Variants in FARS2 observed in about 807,000 individuals in gnomAD.
The protein encoded by FARS2 is phenylalanyl-tRNA synthetase 2, mitochondrial, also known as phenylalanine--tRNA ligase, mitochondrial.
A neutral mutation model predicts 46.4 loss-of-function variants in FARS2; 40 were observed. The observed-to-expected ratio is 0.86, with a 90% confidence interval of 0.67 to 1.12. The LOEUF is 1.12. Among genes scored for constraint, FARS2 ranks in the 50% most tolerant of loss-of-function variants. The pLI, the probability that FARS2 is intolerant of heterozygous loss-of-function variation, is 0.00. For synonymous variants in FARS2, 234 were observed against 214.9 expected (o/e 1.09, Z -0.78); for missense variants, 513 against 567.9 (o/e 0.90, Z 0.98).
chr6:5,302,590 A>G (rs1173707956), intron 1 of FARS2, among the ~76,000 whole-genome samples: 1 of 152,218 alleles, frequency 6.6e-6, no homozygotes, highest in Non-Finnish European at 1.5e-5. Context: ...TATCTTTTAC[A>G]GATGGGGAGA....
At chr6:5,682,142 A>G (rs977097514) in intron 6 of FARS2, among the ~76,000 whole-genome samples, 2 of 152,236 alleles carry the variant, frequency 1.3e-5, no homozygotes. Flanking sequence ...ATTATAGTAC[A>G]TCACCTTGAT....
intron 5 of FARS2, 95 bp downstream of exon 5, chr6:5,545,435 A>AT: frequency 1.1e-6 from 1 of 906,754 alleles, no homozygotes; most frequent in Non-Finnish European, 1.6e-6. Context: ...ATTTTATTTT[A>AT]TTTATTTTAT....
intron 2 of FARS2, among the ~76,000 whole-genome samples, chr6:5,386,739 C>T (rs944832946): frequency 6.6e-6 from 1 of 152,246 alleles, no homozygotes; most frequent in East Asian, 1.9e-4. Context: ...TTAGGGGTCT[C>T]AGGAAGAGAA....
At chr6:5,371,173 G>A in intron 2 of FARS2, 1 of 984,784 alleles carries the variant, frequency 1.0e-6, no homozygotes. Flanking sequence ...TTCCAAGAAT[G>A]CTATGGAGAG....
At chr6:5,397,226 A>G (rs1760961120) in intron 2 of FARS2, among the ~76,000 whole-genome samples, 3 of 152,220 alleles carry the variant, frequency 2.0e-5, no homozygotes, top group Admixed American at 1.3e-4. Context: ...GTTTCCCTCT[A>G]TATGATATTC....
At chr6:5,261,129 C>G (rs1052173512), upstream of FARS2, 1 of 187,660 alleles carries the variant, frequency 5.3e-6, no homozygotes, top group Non-Finnish European at 1.0e-5. Flanking sequence ...GAGGCCCAGG[C>G]ATTCGAGGGA....
Position 5,420,057 on chromosome 6 carries a change from C to T in FARS2, c.773-10984C>T, listed in dbSNP as rs145487055. The stretch of plus-strand genomic sequence containing the variant: ...GAGGCCTTACAATCGTGGCAGAAGG[C>T]GAAAGACACGTCTCACAAGGCAGCA... On this transcript the variant is annotated intron_variant, in intron 3 of 6. Transcript: ENST00000274680. Among the ~76,000 whole-genome samples, 334 of 152,172 alleles carry T rather than the reference C, an allele frequency of 2.2e-3. 1 individual carries two copies. Among genetic ancestry groups the T allele is most frequent in the African/African-American group, 7.6e-3 (315 of 41,508 alleles).
chr6:5,268,827 A>G (rs62385048), intron 1 of FARS2, among the ~76,000 whole-genome samples: 4,791 of 152,170 alleles, frequency 0.031, 111 homozygotes, highest in Non-Finnish European at 0.046. Context: ...GATTCTTCCT[A>G]TCCATGAGCA....
At chr6:5,345,826 A>G (rs545311733) in intron 1 of FARS2, among the ~76,000 whole-genome samples, 74 of 152,372 alleles carry the variant, frequency 4.9e-4, no homozygotes, top group African/African-American at 1.7e-3. Flanking sequence ...ATAAATGTCA[A>G]AATCAGAAAA....
chr6:5,251,073 A>G, the FARS2 span, among the ~76,000 whole-genome samples: 4 of 152,156 alleles, frequency 2.6e-5, no homozygotes, highest in Non-Finnish European at 5.9e-5. Flanking sequence ...AGCCGTCCTT[A>G]TATGTACATT....
intron 6 of FARS2, among the ~76,000 whole-genome samples, chr6:5,707,649 C>A (rs1440841514): frequency 6.6e-6 from 1 of 152,232 alleles, no homozygotes; most frequent in Admixed American, 6.5e-5. Flanking sequence ...AATACCTTTT[C>A]TGCCTCCCCA....
intron 6 of FARS2, among the ~76,000 whole-genome samples, chr6:5,619,902 A>G (rs1418613400): frequency 6.6e-6 from 1 of 152,176 alleles, no homozygotes; most frequent in East Asian, 1.9e-4. Context: ...AAATTTGAAA[A>G]TAGAAAAGAT....
At chr6:5,552,180 TGTAGA>T (rs528301196) in intron 5 of FARS2, among the ~76,000 whole-genome samples, 37 of 152,324 alleles carry the variant, frequency 2.4e-4, no homozygotes, top group Admixed American at 2.1e-3. Context: ...TAACTATTTA[TGTAGA>T]GTAGTCATAT....
intron 2 of FARS2, among the ~76,000 whole-genome samples, chr6:5,373,690 T>C (rs769033467): frequency 2.0e-5 from 3 of 152,126 alleles, no homozygotes; most frequent in Non-Finnish European, 4.4e-5. Context: ...TCTTGGTGTG[T>C]TGAGTGTGCC....
intron 5 of FARS2, among the ~76,000 whole-genome samples, chr6:5,565,271 A>G (rs912720729): frequency 2.3e-4 from 35 of 152,248 alleles, no homozygotes; most frequent in African/African-American, 8.2e-4. Context: ...CAAAAGTTAA[A>G]AAGGTTACTT....
chr6:5,344,480 A>C (rs1470792406), intron 1 of FARS2, among the ~76,000 whole-genome samples: 1 of 152,108 alleles, frequency 6.6e-6, no homozygotes, highest in Non-Finnish European at 1.5e-5. Flanking sequence ...CTGAAAGGCC[A>C]AGTGCAGGCA....
intron 6 of FARS2, among the ~76,000 whole-genome samples, chr6:5,619,590 C>G (rs186871299): frequency 1.0e-3 from 155 of 152,276 alleles, no homozygotes; most frequent in Non-Finnish European, 4.0e-4. Context: ...GTTATATTCC[C>G]TTTTGTGATC....
chr6:5,294,775 G>A (rs1043730387), intron 1 of FARS2, among the ~76,000 whole-genome samples: 1 of 152,094 alleles, frequency 6.6e-6, no homozygotes, highest in Non-Finnish European at 1.5e-5. Context: ...GCCCTCCCTG[G>A]GTGTTCCACC....
chr6:5,576,081 G>A (rs4960105), intron 5 of FARS2, among the ~76,000 whole-genome samples: 86,085 of 151,956 alleles, frequency 0.57, 24,448 homozygotes, highest in Non-Finnish European at 0.6. Context: ...ACTTTAAAAC[G>A]ATTGAGTCTC....
Sources: allele counts gnomAD v4.1 joint callset (sites outside exome capture counted in the v4.1 genomes callset), GRCh38; gene constraint gnomAD v4.1.1; transcripts MANE v1.5; gene names NCBI Gene and HGNC (gene_info 2026-07-23, HGNC 2026-07-21).